DOLK: variants seen among roughly 807,000 people sequenced by gnomAD.
The protein encoded by DOLK is SEC59 homolog.
In DOLK, 20 loss-of-function variants were observed where a neutral mutation model predicts 31.7. The ratio of observed to expected loss-of-function variants is 0.63; its 90% confidence interval spans 0.44 to 0.92. The LOEUF (loss-of-function observed/expected upper bound fraction) is 0.92. DOLK is among the 40% of genes least tolerant of loss of function. The probability of loss-of-function intolerance (pLI) is 0.00; values close to 1 mark genes in which losing one functional copy is unlikely to be tolerated. For synonymous variants in DOLK, 309 were observed against 287.0 expected, an observed-to-expected ratio of 1.08 and a Z score of -0.77; for missense variants, 594 against 680.7, an observed-to-expected ratio of 0.87 and a Z score of 1.42.
Position 128,945,652 on chromosome 9 carries a change from C to CT in DOLK, c.*34dup. On this transcript the variant is annotated 3_prime_UTR_variant, in exon 1 of 1. Coordinates refer to ENST00000372586, the MANE Select transcript of DOLK (RefSeq NM_014908.4). ...TGGGGACTGTTCACCCTCCCCATGT[C>CT]TGTTTCCTCCGTCACTGCTGCTGCA... is the stretch of plus-strand genomic sequence containing the variant. 6.2e-7 allele frequency: 1 copy of CT among 1,613,636 alleles called. No homozygotes were observed. Among genetic ancestry groups the CT allele is most frequent in the Non-Finnish European group, 8.5e-7 (1 of 1,179,830 alleles).
Position 128,947,562 on chromosome 9 carries a change from C to A in DOLK, c.-259G>T. ...GCCTTCCTCACAGTTACAGCCGCCC[C>A]CGCTGCCGGCTCCTCACCTCTTTGG... On this transcript the variant is annotated 5_prime_UTR_variant, in exon 1 of 1. Transcript: ENST00000372586. The A allele has an allele frequency of 9.8e-7, 1 of 1,017,280 alleles. No individual in the cohort carries two copies. The highest frequency in any genetic ancestry group is 1.4e-6 in the Non-Finnish European group (1 of 708,280). The allele number at this position is 1,017,280 out of a possible 1,614,324, so 63.0% of individuals were successfully genotyped here. A position where few individuals can be genotyped will look rare whatever the true frequency, so the allele number is the denominator to read the frequency against.
Position 128,947,545 on chromosome 9 carries a change from C to G in DOLK, c.-242G>C. 1 of 963,862 alleles carries G rather than the reference C, an allele frequency of 1.0e-6. No individual in the cohort carries two copies. The allele number at this position is 963,862 out of a possible 1,614,324, so 59.7% of individuals were successfully genotyped here. A position where few individuals can be genotyped will look rare whatever the true frequency, so the allele number is the denominator to read the frequency against. On this transcript the variant is annotated 5_prime_UTR_variant, in exon 1 of 1. Coordinates refer to ENST00000372586, the MANE Select transcript of DOLK (RefSeq NM_014908.4). ...GACGTCGCCACTCTGCAGCCTTCCTCACAGTTACAGCCGCCCCCGCTGCCG... is the reference window on the plus strand; with the variant it reads ...GACGTCGCCACTCTGCAGCCTTCCTGACAGTTACAGCCGCCCCCGCTGCCG...
At position 128,947,541 on chromosome 9, in the gene DOLK, T is replaced by G. The variant is rs1200630721; in HGVS notation, c.-238A>C. The G allele has an allele frequency of 6.4e-6, 6 of 940,048 alleles. No individual in the cohort carries two copies. Among genetic ancestry groups the G allele is most frequent in the Non-Finnish European group, 9.5e-6 (6 of 634,448 alleles). 58.2% of individuals were successfully genotyped at this position (940,048 alleles called of 1,614,324 possible). On this transcript the variant is annotated 5_prime_UTR_variant, in exon 1 of 1. Transcript: ENST00000372586. Reference sequence around the variant, plus strand: ...CGTAGACGTCGCCACTCTGCAGCCTTCCTCACAGTTACAGCCGCCCCCGCT... The same window carrying G: ...CGTAGACGTCGCCACTCTGCAGCCTGCCTCACAGTTACAGCCGCCCCCGCT...
In DOLK at chr9:128,945,837, C is replaced by A. The variant is rs955285603; in HGVS notation, c.1467G>T (p.Leu489=). The change falls in exon 1 of 1, where the codon CTG becomes CTT. Residue 489 remains leucine, a synonymous_variant. Coordinates refer to ENST00000372586, the MANE Select transcript of DOLK (RefSeq NM_014908.4). ...SIFAQIISVA[L]ILIFDSGVDL... ...CCACTCCACTGTCAAAGATTAAGAT[C>A]AGAGCTACAGAAATGATCTGCGCAA... 1.7e-5 allele frequency: 27 copies of A among 1,614,106 alleles called. No homozygotes were observed. The highest frequency in any genetic ancestry group is 2.3e-5 in the Non-Finnish European group (27 of 1,180,056).
chr9:128,945,858 C>T lies in DOLK; in HGVS notation c.1446G>A (p.Ala482=), dbSNP rs201027607. Reference sequence around the variant, plus strand: ...AGATCAGAGCTACAGAAATGATCTGCGCAAATATAGATGTCATGGTCCCCT... The same window carrying T: ...AGATCAGAGCTACAGAAATGATCTGTGCAAATATAGATGTCATGGTCCCCT... ...TFEGTMTSIF[A]QIISVALILI... Residue 482 remains alanine, a synonymous_variant, in exon 1 of 1, where the codon GCG becomes GCA. Coordinates refer to ENST00000372586, the MANE Select transcript of DOLK (RefSeq NM_014908.4). 5.0e-5 allele frequency: 80 copies of T among 1,614,224 alleles called. 1 individual carries two copies. Among genetic ancestry groups the T allele is most frequent in the African/African-American group, 4.4e-4 (33 of 75,052 alleles).
At position 128,945,584 on chromosome 9, in the gene DOLK, C is replaced by CT; in HGVS notation, c.*102dup. 1 of 1,401,844 alleles carries CT rather than the reference C, an allele frequency of 7.1e-7. No individual in the cohort carries two copies. The highest frequency in any genetic ancestry group is 1.0e-6 in the Non-Finnish European group (1 of 991,262). 86.8% of individuals were successfully genotyped at this position (1,401,844 alleles called of 1,614,324 possible). A position where few individuals can be genotyped will look rare whatever the true frequency, so the allele number is the denominator to read the frequency against. On this transcript the variant is annotated 3_prime_UTR_variant, in exon 1 of 1. Coordinates refer to ENST00000372586, the MANE Select transcript of DOLK (RefSeq NM_014908.4). ...TGAATCAACTGAAAAATCAAATCTG[C>CT]TTTTCACACCTTGGCTCTTCATGCC... is the stretch of plus-strand genomic sequence containing the variant.
At position 128,946,166 on chromosome 9, in the gene DOLK, G is replaced by A. The variant is rs775869216; in HGVS notation, c.1138C>T (p.Arg380Cys). ...AGAGTGTGACCCAAAGGCTTGATGC[G>A]GAAGTAGCGCACATACTCCAGGAAG... ...FIFLEYVRYF[R>C]IKPLGHTLRS... The change falls in exon 1 of 1, where the codon CGC (arginine) becomes TGC (cysteine). Residue 380 changes from arginine to cysteine, a missense_variant. Transcript: ENST00000372586. 16 of 1,614,198 alleles carry A rather than the reference G, an allele frequency of 9.9e-6. No individual in the cohort carries two copies. The highest frequency in any genetic ancestry group is 3.3e-5 in the South Asian group (3 of 91,078).
In DOLK at chr9:128,945,971, G is replaced by T. The variant is rs866088033; in HGVS notation, c.1333C>A (p.Leu445Met). 15 of 1,614,000 alleles carry T rather than the reference G, an allele frequency of 9.3e-6. No individual in the cohort carries two copies. The highest frequency in any genetic ancestry group is 1.6e-4 in the Middle Eastern group (1 of 6,084). Residue 445 changes from leucine to methionine, a missense_variant, in exon 1 of 1, where the codon CTG becomes ATG. Leu to Met is a conservative substitution (Grantham distance 15). Transcript: ENST00000372586. The stretch of plus-strand genomic sequence containing the variant: ...ACAGTATCACCCACACCCACAGCCA[G>T]GACACCGGCATAGGGGACGAGGGCC... ...ARALVPYAGVLAVGVGDTVAS... is the reference protein window; with the variant it reads ...ARALVPYAGVMAVGVGDTVAS...
In DOLK at chr9:128,946,763, G is replaced by A. The variant is rs1841677258; in HGVS notation, c.541C>T (p.Leu181=). 1 of 1,614,028 alleles carries A rather than the reference G, an allele frequency of 6.2e-7. No homozygotes were observed. The highest frequency in any genetic ancestry group is 8.5e-7 in the Non-Finnish European group (1 of 1,180,026). The change falls in exon 1 of 1, where the codon CTG becomes TTG. Residue 181 remains leucine (L), a synonymous_variant. Transcript: ENST00000372586. ...AAGCAGCGGGGCAGCAGGTACAGCA[G>A]GATCATGTTGAGATAAACGAAGATC... ...LLIFVYLNMI[L]LYLLPRCFTP...
rs2131129699 is a variant in DOLK, at chr9:128,947,432, C to A, written c.-129G>T. The A allele has an allele frequency of 7.9e-7, 1 of 1,261,732 alleles. No homozygotes were observed. The highest frequency in any genetic ancestry group is 1.3e-5 in the South Asian group (1 of 76,710). The allele number at this position is 1,261,732 out of a possible 1,614,324, so 78.2% of individuals were successfully genotyped here. A position where few individuals can be genotyped will look rare whatever the true frequency, so the allele number is the denominator to read the frequency against. ...GCAACCTTCTCCCTCCGTTCTCCAG[C>A]AGCGAGGAGGGAACTCCACCGCAGG... is the stretch of plus-strand genomic sequence containing the variant. On this transcript the variant is annotated 5_prime_UTR_variant, in exon 1 of 1. Coordinates refer to ENST00000372586, the MANE Select transcript of DOLK (RefSeq NM_014908.4).
In DOLK at chr9:128,947,282, G is replaced by A. The variant is rs565096448; in HGVS notation, c.22C>T (p.Pro8Ser). ...AGCGGAGCCCCAGGCCCCGGGGCCG[G>A]AGATGGGCACTCTCGGGTCATATCT... The part of the protein sequence containing the change: MTRECPS[P>S]APGPGAPLSG... Residue 8 changes from proline to serine, a missense_variant, in exon 1 of 1, where the codon CCG becomes TCG. Coordinates refer to ENST00000372586, the MANE Select transcript of DOLK (RefSeq NM_014908.4). 3.1e-6 allele frequency: 5 copies of A among 1,613,018 alleles called. No individual in the cohort carries two copies. The highest frequency in any genetic ancestry group is 4.2e-6 in the Non-Finnish European group (5 of 1,179,992).
Position 128,946,603 on chromosome 9 carries a change from A to G in DOLK, c.701T>C (p.Met234Thr), listed in dbSNP as rs1841673926. 1.2e-6 allele frequency: 2 copies of G among 1,614,054 alleles called. No individual in the cohort carries two copies. The highest frequency in any genetic ancestry group is 1.7e-6 in the Non-Finnish European group (2 of 1,180,010). Residue 234 changes from methionine to threonine, a missense_variant, in exon 1 of 1, where the codon ATG becomes ACG. Met to Thr is a moderately conservative substitution (Grantham distance 81, BLOSUM62 -1). Coordinates refer to ENST00000372586, the MANE Select transcript of DOLK (RefSeq NM_014908.4). ...GCTGAAGAAAATGCCCATGAGTACC[A>G]TCCCTACTACCACCACCAGCAGGAA... ...DFFLLVVVVG[M>T]VLMGIFFSTL...
At position 128,945,748 on chromosome 9, in the gene DOLK, T is replaced by C. The variant is rs1841649539; in HGVS notation, c.1556A>G (p.Tyr519Cys). 4 of 1,614,122 alleles carry C rather than the reference T, an allele frequency of 2.5e-6. No homozygotes were observed. Among genetic ancestry groups the C allele is most frequent in the Non-Finnish European group, 3.4e-6 (4 of 1,180,026 alleles). The change falls in exon 1 of 1, where the codon TAC becomes TGC. Residue 519 changes from tyrosine to cysteine, a missense_variant. Coordinates refer to ENST00000372586, the MANE Select transcript of DOLK (RefSeq NM_014908.4). ...SISTVSLLEA[Y>C]TTQIDNLLLP... is the part of the protein sequence containing the mutation. ...AAGGAGATTGTCTATCTGTGTAGTG[T>C]ATGCTTCCAGGAGGGACACAGTGCT...
Position 128,946,850 on chromosome 9 carries a change from T to C in DOLK, c.454A>G (p.Ile152Val). The change falls in exon 1 of 1, where the codon ATT becomes GTT. Residue 152 changes from isoleucine to valine, a missense_variant. By Grantham distance (29) the Ile-to-Val change is conservative (BLOSUM62 3). Coordinates refer to ENST00000372586, the MANE Select transcript of DOLK (RefSeq NM_014908.4). ...CTCAACGAGTGCTTCATGATATAAA[T>C]GATAACACCTCCAGCCAAGCCCAAG... is the stretch of plus-strand genomic sequence containing the variant. ...VILGLAGGVI[I>V]YIMKHSLSVG... 8 of 1,611,324 alleles carry C rather than the reference T, an allele frequency of 5.0e-6. No homozygotes were observed. The highest frequency in any genetic ancestry group is 6.8e-6 in the Non-Finnish European group (8 of 1,179,998).
In DOLK at chr9:128,946,563, G is replaced by T; in HGVS notation, c.741C>A (p.Phe247Leu). The T allele has an allele frequency of 2.5e-6, 4 of 1,614,108 alleles. No individual in the cohort carries two copies. ...MGIFFSTLFV[F>L]MDSGTWASSI... ...AGGAGGCCCAGGTGCCTGAGTCCATGAAGACAAACAGAGTGCTGAAGAAAA... is the reference window on the plus strand; with the variant it reads ...AGGAGGCCCAGGTGCCTGAGTCCATTAAGACAAACAGAGTGCTGAAGAAAA... Residue 247 changes from phenylalanine to leucine, a missense_variant, in exon 1 of 1, where the codon TTC becomes TTA. Transcript: ENST00000372586.
rs1564546377 is a variant in DOLK, at chr9:128,947,104, C to T, written c.200G>A (p.Gly67Glu). 2.5e-6 allele frequency: 4 copies of T among 1,613,880 alleles called. No homozygotes were observed. The African/African-American group carries it at 4.0e-5, about 16-fold the overall frequency. ...CATTCGGAACTGGAAGACGGCGCTT[C>T]CCTGCTGTAGCAGCCGGTCCCACTT... Reference protein sequence around the residue: ...QYKWDRLLQQGSAVFQFRMSA... With the variant: ...QYKWDRLLQQESAVFQFRMSA... Residue 67 changes from glycine to glutamate, a missense_variant, in exon 1 of 1, where the codon GGA (glycine) becomes GAA (glutamate). Physicochemically the swap from Gly to Glu is moderately conservative, Grantham distance 98. Coordinates refer to ENST00000372586, the MANE Select transcript of DOLK (RefSeq NM_014908.4).
chr9:128,945,757 A>C lies in DOLK; in HGVS notation c.1547T>G (p.Leu516Arg). ...ILGSISTVSL[L>R]EAYTTQIDNL... ...GTCTATCTGTGTAGTGTATGCTTCC[A>C]GGAGGGACACAGTGCTGATGGACCC... The change falls in exon 1 of 1, where the codon CTG (leucine) becomes CGG (arginine). Residue 516 changes from leucine (L) to arginine (R), a missense_variant. By Grantham distance (102) the Leu-to-Arg change is moderately radical. Transcript: ENST00000372586. The C allele has an allele frequency of 6.2e-7, 1 of 1,614,188 alleles. No individual in the cohort carries two copies. The highest frequency in any genetic ancestry group is 8.5e-7 in the Non-Finnish European group (1 of 1,180,038).
chr9:128,945,595 T>G lies in DOLK; in HGVS notation c.*92A>C. 1 of 1,495,438 alleles carries G rather than the reference T, an allele frequency of 6.7e-7. No homozygotes were observed. Among genetic ancestry groups the G allele is most frequent in the Admixed American group, 1.7e-5 (1 of 59,820 alleles). The allele number at this position is 1,495,438 out of a possible 1,614,324, so 92.6% of individuals were successfully genotyped here. On this transcript the variant is annotated 3_prime_UTR_variant, in exon 1 of 1. Transcript: ENST00000372586. ...AAAAATCAAATCTGCTTTTCACACC[T>G]TGGCTCTTCATGCCCAAGTAGCTGT...
chr9:128,946,820 C>T lies in DOLK; in HGVS notation c.484G>A (p.Gly162Arg). Residue 162 changes from glycine to arginine, a missense_variant, in exon 1 of 1, where the codon GGG becomes AGG. Physicochemically the swap from Gly to Arg is moderately radical, Grantham distance 125. Transcript: ENST00000372586. ...IYIMKHSLSV[G>R]EVIEVLEVLL... ...ACTTCCAGGACTTCGATCACCTCCC[C>T]CACGCTCAACGAGTGCTTCATGATA... is the stretch of plus-strand genomic sequence containing the variant. 6.2e-7 allele frequency: 1 copy of T among 1,613,398 alleles called. No individual in the cohort carries two copies. Among genetic ancestry groups the T allele is most frequent in the South Asian group, 1.1e-5 (1 of 91,060 alleles).
Sources: gnomAD v4.1 joint callset for allele counts on GRCh38, gnomAD v4.1.1 for gene constraint, MANE v1.5 for transcripts, NCBI Gene and HGNC (gene_info 2026-07-23, HGNC 2026-07-21) for gene names.